Variants in RNFT1 observed in about 807,000 individuals in gnomAD.
The protein encoded by RNFT1 is ring finger protein, transmembrane 1.
RNFT1 carries 35 observed loss-of-function variants against 53.2 expected under a neutral mutation model. The observed-to-expected ratio is 0.66, with a 90% confidence interval of 0.50 to 0.87. The LOEUF (loss-of-function observed/expected upper bound fraction) is 0.87. Among genes scored for constraint, RNFT1 ranks in the 40% least tolerant of loss-of-function variants. The pLI is 0.00. For synonymous variants in RNFT1, 141 were observed against 172.8 expected (o/e 0.82, Z 1.44); for missense variants, 421 against 515.0 (o/e 0.82, Z 1.77).
intron 7 of RNFT1, among the ~76,000 whole-genome samples, chr17:59,954,602 T>G (rs1262519708): frequency 6.6e-6 from 1 of 152,188 alleles, no homozygotes; most frequent in Non-Finnish European, 1.5e-5. Context: ...TAGATTTCTC[T>G]GTTCCACACA....
chr17:59,964,203 G>C (rs1433470371), intron 1 of RNFT1, among the ~76,000 whole-genome samples: 1 of 152,186 alleles, frequency 6.6e-6, no homozygotes, highest in African/African-American at 2.4e-5. Flanking sequence ...CTAGGAGGAG[G>C]CTAGAGTTAA....
intron 5 of RNFT1, among the ~76,000 whole-genome samples, chr17:59,957,934 A>AT (rs1284711669): frequency 6.6e-6 from 1 of 152,220 alleles, no homozygotes; most frequent in Admixed American, 6.5e-5. Flanking sequence ...TTTGCTGATT[A>AT]TAAGAATTTA....
chr17:59,956,405 T>A, intron 7 of RNFT1, 83 bp downstream of exon 7: 1 of 838,138 alleles, frequency 1.2e-6, no homozygotes, highest in Non-Finnish European at 2.0e-6. Flanking sequence ...ATGAAATCCA[T>A]TCTTGTAAAA....
Position 59,962,576 on chromosome 17 carries a change from A to C in RNFT1, c.555T>G (p.Tyr185Ter). 6.2e-7 allele frequency: 1 copy of C among 1,606,978 alleles called. No individual in the cohort carries two copies. Among genetic ancestry groups the C allele is most frequent in the Non-Finnish European group, 8.5e-7 (1 of 1,178,110 alleles). The part of the protein sequence containing the change: ...LGIGLLTTFM[Y>*]ANKSIVNQVF... ...CCTGATTTACAATGCTTTTGTTTGC[A>C]TACATAAAAGTTGTTAGCAGCCCAA... The change falls in exon 3 of 9, where the codon TAT (tyrosine) becomes TAG (stop). Residue 185 changes from tyrosine (Y) to a stop codon, truncating the protein, a stop_gained. Transcript: ENST00000305783. LOFTEE classifies it high-confidence loss of function.
intron 8 of RNFT1, 81 bp from the exon 9 acceptor site, chr17:59,953,192 T>A: frequency 1.3e-5 from 4 of 307,062 alleles, no homozygotes; most frequent in Non-Finnish European, 1.7e-5. Context: ...AAGGGATTCT[T>A]TTTTTTTTTT....
intron 1 of RNFT1, among the ~76,000 whole-genome samples, chr17:59,964,271 T>C (rs1366568751): frequency 1.3e-5 from 2 of 152,194 alleles, no homozygotes; most frequent in Non-Finnish European, 2.9e-5. Context: ...AGTGGTGCAG[T>C]CACCGTGTCT....
chr17:59,958,340 T>G lies in RNFT1; in HGVS notation c.797A>C (p.Lys266Thr). 1 of 1,602,520 alleles carries G rather than the reference T, an allele frequency of 6.2e-7. No homozygotes were observed. The highest frequency in any genetic ancestry group is 1.3e-5 in the African/African-American group (1 of 74,228). The change falls in exon 5 of 9, where the codon AAA (lysine) becomes ACA (threonine). Residue 266 changes from lysine (K) to threonine (T), a missense_variant. Coordinates refer to ENST00000305783, the MANE Select transcript of RNFT1 (RefSeq NM_016125.4). ...AGAAGGCACCAATAAAATAAGGCAT[T>G]TTAAGCCCATGAAAAAGAATTTCAG... ...FILKFFFMGL[K>T]CLILLVPSFI...
chr17:59,962,820 G>GA lies in RNFT1; in HGVS notation c.514+6_514+7insT, dbSNP rs780862855. 1 of 1,600,522 alleles carries GA rather than the reference G, an allele frequency of 6.2e-7. No homozygotes were observed. The highest frequency in any genetic ancestry group is 8.6e-7 in the Non-Finnish European group (1 of 1,169,130). ...TGAAAACAAGTCAATGTTTTATTATGTCCTACCTGTTATATGCTGCATAAC... is the reference window on the plus strand; with the variant it reads ...TGAAAACAAGTCAATGTTTTATTATGATCCTACCTGTTATATGCTGCATAAC... On this transcript the variant is annotated splice_region_variant and intron_variant, in intron 2 of 8. Coordinates refer to ENST00000305783, the MANE Select transcript of RNFT1 (RefSeq NM_016125.4).
At chr17:59,953,828 A>C in intron 8 of RNFT1, 1 of 397,010 alleles carries the variant, frequency 2.5e-6, no homozygotes, top group Non-Finnish European at 4.5e-6. Context: ...TCAATCTGCC[A>C]GTTGAATTAT....
At chr17:59,961,702 A>G (rs1598866192) in intron 3 of RNFT1, among the ~76,000 whole-genome samples, 1 of 148,614 alleles carries the variant, frequency 6.7e-6, no homozygotes, top group African/African-American at 2.5e-5. Flanking sequence ...TCAGCCTCCC[A>G]AGTAGCTGGG....
chr17:59,956,049 A>G (rs2045252313), intron 7 of RNFT1, among the ~76,000 whole-genome samples: 1 of 152,220 alleles, frequency 6.6e-6, no homozygotes, highest in East Asian at 1.9e-4. Flanking sequence ...GAAAACTGCA[A>G]GAGACATGAT....
chr17:59,961,273 A>T (rs1276022404), intron 3 of RNFT1, among the ~76,000 whole-genome samples: 1 of 152,028 alleles, frequency 6.6e-6, no homozygotes, highest in East Asian at 1.9e-4. Context: ...CCTGGGCTCA[A>T]GCAATCTGCC....
chr17:59,961,886 T>TC (rs1182324580), intron 3 of RNFT1, among the ~76,000 whole-genome samples: 1 of 143,674 alleles, frequency 7.0e-6, no homozygotes, highest in Non-Finnish European at 1.5e-5. Flanking sequence ...CCAGGTCTTT[T>TC]TTTTTTTTTT....
In RNFT1 at chr17:59,952,916, T is replaced by C. The variant is rs1844346618; in HGVS notation, c.*61A>G. On this transcript the variant is annotated 3_prime_UTR_variant, in exon 9 of 9. Coordinates refer to ENST00000305783, the MANE Select transcript of RNFT1 (RefSeq NM_016125.4). The stretch of plus-strand genomic sequence containing the variant: ...GCCCTGAAAATCCATTCTGATGCCT[T>C]ATCAGTAGTCATTATGACCAAATGA... 1.3e-6 allele frequency: 2 copies of C among 1,514,114 alleles called. No individual in the cohort carries two copies. Among genetic ancestry groups the C allele is most frequent in the South Asian group, 1.2e-5 (1 of 85,404 alleles). 93.8% of individuals were successfully genotyped at this position (1,514,114 alleles called of 1,614,324 possible).
intron 3 of RNFT1, among the ~76,000 whole-genome samples, chr17:59,960,632 G>A (rs2045284356): frequency 1.3e-5 from 2 of 151,886 alleles, no homozygotes; most frequent in Admixed American, 6.6e-5. Flanking sequence ...CCAACATGGT[G>A]AAACCTGTCT....
intron 1 of RNFT1, 93 bp from the exon 2 acceptor site, chr17:59,963,377 T>C: frequency 9.9e-7 from 1 of 1,010,184 alleles, no homozygotes; most frequent in Non-Finnish European, 1.5e-6. Flanking sequence ...ACTAAAGGAG[T>C]AGCAAATAAT....
At chr17:59,953,157 A>G (rs745534037) in intron 8 of RNFT1, 46 bp from the exon 9 acceptor site, 2 of 1,472,630 alleles carry the variant, frequency 1.4e-6, no homozygotes, top group Non-Finnish European at 1.9e-6. Context: ...TAATCATTTT[A>G]AATCCATCAC....
rs2045302352 is a variant in RNFT1, at chr17:59,962,604, C to A, written c.527G>T (p.Gly176Val). The change falls in exon 3 of 9, where the codon GGA becomes GTA. Residue 176 changes from glycine (G) to valine (V), a missense_variant. Gly to Val is a moderately radical substitution (Grantham distance 109). Transcript: ENST00000305783. The part of the protein sequence containing the change: ...VMQHITGISL[G>V]IGLLTTFMYA... ...CATAAAAGTTGTTAGCAGCCCAATT[C>A]CAAGAGAAATTCCTGTTAGAAAATA... 6.3e-7 allele frequency: 1 copy of A among 1,598,416 alleles called. No homozygotes were observed. The highest frequency in any genetic ancestry group is 1.4e-5 in the African/African-American group (1 of 74,030).
intron 3 of RNFT1, among the ~76,000 whole-genome samples, chr17:59,960,831 C>A (rs1340635884): frequency 6.6e-6 from 1 of 151,792 alleles, no homozygotes; most frequent in Non-Finnish European, 1.5e-5. Context: ...AATGGACCCA[C>A]CCACAAAAGA....
Sources: allele counts gnomAD v4.1 joint callset (sites outside exome capture counted in the v4.1 genomes callset), GRCh38; gene constraint gnomAD v4.1.1; transcripts MANE v1.5; gene names NCBI Gene and HGNC (gene_info 2026-07-23, HGNC 2026-07-21).